ARID2: variants seen among roughly 807,000 people sequenced by gnomAD.
ARID2 encodes AT-rich interaction domain 2.
Under a neutral mutation model 184.6 loss-of-function variants are expected in ARID2, and 32 were observed. The ratio of observed to expected loss-of-function variants is 0.17; its 90% confidence interval spans 0.13 to 0.23. The LOEUF (loss-of-function observed/expected upper bound fraction) is 0.23. ARID2 is among the 10% of genes least tolerant of loss of function. ARID2 has a pLI of 1.00. For missense variants in ARID2, 1,696 were observed against 2,197.6 expected (o/e 0.77, Z 4.56); for synonymous variants, 836 against 772.6 (o/e 1.08, Z -1.36).
chr12:45,733,784 G>A (rs1941051704), intron 3 of ARID2, among the ~76,000 whole-genome samples: 1 of 152,132 alleles, frequency 6.6e-6, no homozygotes, highest in African/African-American at 2.4e-5. Context: ...TACAAATATT[G>A]ACAGTCATTA....
intron 3 of ARID2, among the ~76,000 whole-genome samples, chr12:45,763,655 T>A (rs922453438): frequency 6.6e-6 from 1 of 150,930 alleles, no homozygotes; most frequent in African/African-American, 2.5e-5. Flanking sequence ...AAAAAAAATT[T>A]TTTTTAAAAT....
At chr12:45,841,073 T>G (rs1320627769) in intron 11 of ARID2, 1 of 152,178 alleles carries the variant, frequency 6.6e-6, no homozygotes, top group Non-Finnish European at 1.5e-5. Flanking sequence ...TTCATATTGC[T>G]AGTTAAGTGG....
At chr12:45,790,908 C>A (rs1942280186) in intron 3 of ARID2, among the ~76,000 whole-genome samples, 1 of 151,958 alleles carries the variant, frequency 6.6e-6, no homozygotes, top group Admixed American at 6.6e-5. Flanking sequence ...AGAGGTTTTT[C>A]TTTGTTTTCT....
At chr12:45,886,203 CAA>C (rs1944186579) in intron 16 of ARID2, among the ~76,000 whole-genome samples, 1 of 151,904 alleles carries the variant, frequency 6.6e-6, no homozygotes, top group South Asian at 2.1e-4. Flanking sequence ...TTGGCCAAAA[CAA>C]AGAGGCTACA....
At chr12:45,741,531 T>C (rs1458448061) in intron 3 of ARID2, among the ~76,000 whole-genome samples, 1 of 152,214 alleles carries the variant, frequency 6.6e-6, no homozygotes, top group Non-Finnish European at 1.5e-5. Flanking sequence ...ATGGGACATA[T>C]TTTCATTCTT....
At position 45,899,673 on chromosome 12, in the gene ARID2, A is replaced by ATATATG. The variant is rs1243477905; in HGVS notation, c.5364-5260_5364-5255dup. ...TTTGGTTATATATATATATATGGTT[A>ATATATG]TATATGGTTATATATATATGGTTAT... is the stretch of plus-strand genomic sequence containing the variant. On this transcript the variant is annotated intron_variant, in intron 20 of 20. Transcript: ENST00000334344. 4.0e-4 allele frequency among the ~76,000 whole-genome samples: 32 copies of ATATATG among 79,024 alleles called. 2 individuals carry two copies. The highest frequency in any genetic ancestry group is 1.6e-3 in the Admixed American group (14 of 8,864). 51.8% of individuals were successfully genotyped at this position (79,024 alleles called of 152,430 possible).
intron 3 of ARID2, among the ~76,000 whole-genome samples, chr12:45,753,979 T>C (rs1050021315): frequency 2.0e-5 from 3 of 152,240 alleles, no homozygotes; most frequent in Non-Finnish European, 4.4e-5. Context: ...TTTGTGATGC[T>C]TCTGGCTATA....
At chr12:45,872,583 G>A (rs1368768973) in intron 16 of ARID2, among the ~76,000 whole-genome samples, 5 of 152,196 alleles carry the variant, frequency 3.3e-5, no homozygotes, top group Admixed American at 3.3e-4. Context: ...CAGCAAGAGA[G>A]AGAAGTGCCA....
chr12:45,831,799 TTTACC>T (rs1189844875), intron 6 of ARID2, among the ~76,000 whole-genome samples: 49 of 152,330 alleles, frequency 3.2e-4, no homozygotes, highest in African/African-American at 1.2e-3. Flanking sequence ...TCTGTCAGTT[TTTACC>T]TTACGTCTTT....
In ARID2 at chr12:45,734,131, G is replaced by A. The variant is rs191373732; in HGVS notation, c.284+2817G>A. Among the ~76,000 whole-genome samples the A allele has an allele frequency of 1.3e-4, 20 of 152,306 alleles. No individual in the cohort carries two copies. In the East Asian group the frequency reaches 3.9e-3, roughly 29 times the overall value. ...CGCCTGTAATCTCAGCACTTTGGGA[G>A]GCCGAGGCAGACGGATTACCTGAGG... On this transcript the variant is annotated intron_variant, in intron 3 of 20. Transcript: ENST00000334344.
intron 16 of ARID2, among the ~76,000 whole-genome samples, chr12:45,873,075 A>G (rs767452481): frequency 1.3e-5 from 2 of 152,124 alleles, no homozygotes; most frequent in Non-Finnish European, 2.9e-5. Flanking sequence ...TATCTTAAGG[A>G]TTGCTATATC....
chr12:45,788,029 T>C lies in ARID2; in HGVS notation c.285-23389T>C, dbSNP rs141635132. Among the ~76,000 whole-genome samples, 51 of 152,328 alleles carry C rather than the reference T, an allele frequency of 3.3e-4. No individual in the cohort carries two copies. In the Middle Eastern group the frequency reaches 0.01, roughly 30 times the overall value. On this transcript the variant is annotated intron_variant, in intron 3 of 20. Coordinates refer to ENST00000334344, the MANE Select transcript of ARID2 (RefSeq NM_152641.4). ...TTTTTGTCGTTTACAACATACTGTT[T>C]TGAAGTATGTGTACATTGTGGAATG...
chr12:45,848,612 T>C (rs935376754), intron 12 of ARID2, among the ~76,000 whole-genome samples: 6 of 152,140 alleles, frequency 3.9e-5, no homozygotes, highest in African/African-American at 9.6e-5. Flanking sequence ...ATAGTTTTTA[T>C]ATTTGTTGTC....
intron 16 of ARID2, among the ~76,000 whole-genome samples, chr12:45,886,828 G>A (rs1944200937): frequency 6.6e-6 from 1 of 152,220 alleles, no homozygotes; most frequent in Non-Finnish European, 1.5e-5. Flanking sequence ...CTGGGATGCA[G>A]GGCATCAAGT....
At chr12:45,900,199 T>C (rs1316672918) in intron 20 of ARID2, among the ~76,000 whole-genome samples, 1 of 152,148 alleles carries the variant, frequency 6.6e-6, no homozygotes, top group Non-Finnish European at 1.5e-5. Flanking sequence ...TAGCTGGAAC[T>C]ACAGGCTCCC....
At chr12:45,860,116 G>C (rs1943717500) in intron 15 of ARID2, among the ~76,000 whole-genome samples, 1 of 152,214 alleles carries the variant, frequency 6.6e-6, no homozygotes, top group African/African-American at 2.4e-5. Context: ...AGCACTTTGG[G>C]AGGCCAAAGG....
In ARID2 at chr12:45,906,942, T is replaced by G; in HGVS notation, c.*1864T>G. 4.3e-6 allele frequency: 1 copy of G among 231,918 alleles called. No homozygotes were observed. Among genetic ancestry groups the G allele is most frequent in the East Asian group, 6.1e-5 (1 of 16,338 alleles). The allele number at this position is 231,918 out of a possible 1,614,324, so 14.4% of individuals were successfully genotyped here. On this transcript the variant is annotated 3_prime_UTR_variant, in exon 21 of 21. Transcript: ENST00000334344. ...TGAATTTGGAGGCAGATTCTTAGAG[T>G]GAAAAAGCCTCAGTTTCCATATTAA...
chr12:45,737,428 T>C (rs1263984885), intron 3 of ARID2, among the ~76,000 whole-genome samples: 2 of 151,866 alleles, frequency 1.3e-5, no homozygotes, highest in Non-Finnish European at 2.9e-5. Flanking sequence ...CTGTCTTAAA[T>C]TCTGGCTTTG....
chr12:45,780,159 C>T lies in ARID2; in HGVS notation c.285-31259C>T, dbSNP rs558237689. 3.3e-5 allele frequency among the ~76,000 whole-genome samples: 5 copies of T among 152,320 alleles called. No individual in the cohort carries two copies. The South Asian group carries it at 8.3e-4, about 25-fold the overall frequency. ...TCATTCAACAAGTATTTACTAACCA[C>T]TTACAGTGTGCCACACACTTTGTAG... On this transcript the variant is annotated intron_variant, in intron 3 of 20. Coordinates refer to ENST00000334344, the MANE Select transcript of ARID2 (RefSeq NM_152641.4).
Sources: allele counts gnomAD v4.1 joint callset (sites outside exome capture counted in the v4.1 genomes callset), GRCh38; gene constraint gnomAD v4.1.1; transcripts MANE v1.5; gene names NCBI Gene and HGNC (gene_info 2026-07-23, HGNC 2026-07-21).